Variants in SYT12 observed in about 807,000 individuals in gnomAD.
SYT12 encodes synaptotagmin 12.
Under a neutral mutation model 39.5 loss-of-function variants are expected in SYT12, and 27 were observed. That is an observed-to-expected ratio of 0.68 (90% CI 0.50 to 0.94). The LOEUF is 0.94. Ranked by LOEUF, SYT12 falls within the 40% of genes least tolerant of loss-of-function variation. The pLI is 0.00. For synonymous variants in SYT12, 233 were observed against 239.7 expected (o/e 0.97, Z 0.26); for missense variants, 536 against 572.6 (o/e 0.94, Z 0.65).
intron 4 of SYT12, among the ~76,000 whole-genome samples, chr11:67,041,450 G>A (rs1184993149): frequency 6.6e-6 from 1 of 152,166 alleles, no homozygotes; most frequent in Non-Finnish European, 1.5e-5. Context: ...CAGCCTGGGC[G>A]ACAGAGTGAG....
chr11:67,042,070 G>C (rs1950522644), intron 4 of SYT12, among the ~76,000 whole-genome samples: 1 of 152,200 alleles, frequency 6.6e-6, no homozygotes, highest in Admixed American at 6.5e-5. Flanking sequence ...CTGAGAGGCA[G>C]TATAGTGGGC....
Position 67,039,872 on chromosome 11 carries a change from G to T in SYT12, c.290G>T (p.Ser97Ile), listed in dbSNP as rs374167413. Residue 97 changes from serine to isoleucine, a missense_variant, in exon 4 of 8, where the codon AGT becomes ATT. Coordinates refer to ENST00000527043, the MANE Select transcript of SYT12 (RefSeq NM_177963.4). ...CGGGGACCACCCAGCCGCAAAGGCA[G>T]TCTCAGCATTGAGGACACCTTTGAG... is the stretch of plus-strand genomic sequence containing the variant. ...STRGPPSRKG[S>I]LSIEDTFESI... is the part of the protein sequence containing the mutation. 2.1e-5 allele frequency: 34 copies of T among 1,613,564 alleles called. No homozygotes were observed. Among genetic ancestry groups the T allele is most frequent in the Non-Finnish European group, 2.7e-5 (32 of 1,180,034 alleles).
At chr11:67,023,997 C>T (rs1950147726) in intron 1 of SYT12, among the ~76,000 whole-genome samples, 1 of 152,072 alleles carries the variant, frequency 6.6e-6, no homozygotes, top group African/African-American at 2.4e-5. Flanking sequence ...GGGGGGCTTT[C>T]CAGAGCTTAG....
chr11:67,009,991 A>G (rs1290583456), exon 2 of SYT12: 5 of 152,464 alleles, frequency 3.3e-5, no homozygotes, highest in African/African-American at 1.2e-4. Context: ...AAGGAACTGC[A>G]TCGAGTAAAA....
intron 2 of SYT12, among the ~76,000 whole-genome samples, chr11:67,034,425 A>G (rs2136215989): frequency 6.6e-6 from 1 of 152,388 alleles, no homozygotes; most frequent in Non-Finnish European, 1.5e-5. Context: ...TATAAGTGTA[A>G]TGTAAATATC....
chr11:67,048,962 T>C lies in SYT12; in HGVS notation c.*205T>C. On this transcript the variant is annotated 3_prime_UTR_variant, in exon 8 of 8. Transcript: ENST00000527043. ...TGTCCAGGGCCCCAGGGTCTGCTCC[T>C]GCTGAGGACCAGCTGTGGCTGGGCC... 1 of 570,176 alleles carries C rather than the reference T, an allele frequency of 1.8e-6. No homozygotes were observed. Among genetic ancestry groups the C allele is most frequent in the East Asian group, 2.9e-5 (1 of 34,660 alleles). 35.3% of individuals were successfully genotyped at this position (570,176 alleles called of 1,614,324 possible).
chr11:67,039,934 C>CG lies in SYT12; in HGVS notation c.355dup (p.Glu119GlyfsTer100). 1 of 1,613,718 alleles carries CG rather than the reference C, an allele frequency of 6.2e-7. No homozygotes were observed. The highest frequency in any genetic ancestry group is 8.5e-7 in the Non-Finnish European group (1 of 1,180,034). ...ACTGGGGCCTCTGGAGCTGATGGGCCGGGAGTTGGACCTGGCCCCCTATGG... is the reference window on the plus strand; with the variant it reads ...ACTGGGGCCTCTGGAGCTGATGGGCCGGGGAGTTGGACCTGGCCCCCTATGG... On this transcript the variant is annotated frameshift_variant, in exon 4 of 8. Coordinates refer to ENST00000527043, the MANE Select transcript of SYT12 (RefSeq NM_177963.4). LOFTEE classifies it high-confidence loss of function.
intron 3 of SYT12, among the ~76,000 whole-genome samples, chr11:67,038,453 C>T (rs1261748603): frequency 2.6e-5 from 4 of 151,820 alleles, no homozygotes; most frequent in South Asian, 2.1e-4. Flanking sequence ...CATGAGCCAC[C>T]GTGCCTGGCC....
In SYT12 at chr11:67,043,727, T is replaced by G; in HGVS notation, c.711T>G (p.Phe237Leu). ...CCCTGGAGGAGAAGAGCCTGCGGTT[T>G]TCTGTATTTGGCATCGATGAGGATG... ...PTALEEKSLR[F>L]SVFGIDEDER... The change falls in exon 5 of 8, where the codon TTT becomes TTG. Residue 237 changes from phenylalanine to leucine, a missense_variant. Transcript: ENST00000527043. 1.9e-6 allele frequency: 3 copies of G among 1,614,164 alleles called. No individual in the cohort carries two copies. Among genetic ancestry groups the G allele is most frequent in the Non-Finnish European group, 2.5e-6 (3 of 1,180,046 alleles).
intron 3 of SYT12, among the ~76,000 whole-genome samples, chr11:67,011,922 C>T (rs1156362675): frequency 2.6e-5 from 4 of 151,690 alleles, no homozygotes; most frequent in Non-Finnish European, 2.9e-5. Flanking sequence ...CCCACCACCA[C>T]GTCCGGCTAA....
chr11:67,008,299 T>C (rs1453402016), intron 1 of SYT12, among the ~76,000 whole-genome samples: 1 of 152,198 alleles, frequency 6.6e-6, no homozygotes, highest in East Asian at 1.9e-4. Context: ...AGTTCTTTTA[T>C]TCACTGCTTA....
chr11:67,011,059 A>C (rs2136192872), intron 3 of SYT12: 1 of 152,292 alleles, frequency 6.6e-6, no homozygotes, highest in East Asian at 1.9e-4. Context: ...GTATTTGTGC[A>C]CGGTCAATAT....
At chr11:67,015,471 T>G (rs886438927) in intron 3 of SYT12, among the ~76,000 whole-genome samples, 28 of 148,616 alleles carry the variant, frequency 1.9e-4, no homozygotes, top group African/African-American at 7.0e-4. Context: ...GAGGCGGTGG[T>G]GGGGGGTTGT....
At chr11:67,035,833 CCTTCCTTTCTTTCTTTCTTT>C (rs1355760509) in intron 3 of SYT12, among the ~76,000 whole-genome samples, 78 of 102,472 alleles carry the variant, frequency 7.6e-4, no homozygotes, top group African/African-American at 3.1e-3. Context: ...TTCCTTCCTT[CCTTCCTTTCTTTCTTTCTTT>C]CTTTCTTTCT....
upstream of SYT12, among the ~76,000 whole-genome samples, chr11:67,019,896 CAA>C (rs71461631): frequency 2.3e-4 from 27 of 116,592 alleles, no homozygotes; most frequent in Admixed American, 3.7e-4. Flanking sequence ...GACCCTGTCT[CAA>C]AAAAAAAAAA....
chr11:67,035,795 TTCCTTCCTTCCTTCCTTCCTTC>T lies in SYT12; in HGVS notation c.228+958_228+979del, dbSNP rs1565337208. Among the ~76,000 whole-genome samples the T allele has an allele frequency of 2.8e-3, 120 of 42,736 alleles. 2 individuals carry two copies. The highest frequency in any genetic ancestry group is 0.012 in the African/African-American group (114 of 9,866). The allele number at this position is 42,736 out of a possible 152,430, so 28.0% of individuals were successfully genotyped here. ...TTTTCTTTTCTTTTCTTTTCTTTCC[TTCCTTCCTTCCTTCCTTCCTTC>T]CTTCCTTCCTTCCTTCCTTCCTTTC... On this transcript the variant is annotated intron_variant, in intron 3 of 7. Transcript: ENST00000527043.
intron 3 of SYT12, among the ~76,000 whole-genome samples, chr11:67,035,837 C>CCTTTCTTTCTTTCTTTCTTTCTTT (rs1157424282): frequency 7.2e-5 from 8 of 111,144 alleles, no homozygotes; most frequent in African/African-American, 2.2e-4. Flanking sequence ...TTCCTTCCTT[C>CCTTTCTTTCTTTCTTTCTTTCTTT]CTTTCTTTCT....
chr11:67,018,636 C>T, upstream of SYT12, among the ~76,000 whole-genome samples: 1 of 152,084 alleles, frequency 6.6e-6, no homozygotes, highest in Non-Finnish European at 1.5e-5. Context: ...TCCTGGCTAA[C>T]ATGGTGAAAC....
At chr11:67,030,484 A>T in intron 2 of SYT12, 1 of 365,488 alleles carries the variant, frequency 2.7e-6, no homozygotes, top group Non-Finnish European at 5.0e-6. Flanking sequence ...TGAGCCTGTG[A>T]CTCGGAATCC....
Sources: allele counts gnomAD v4.1 joint callset (sites outside exome capture counted in the v4.1 genomes callset), GRCh38; gene constraint gnomAD v4.1.1; transcripts MANE v1.5; gene names NCBI Gene and HGNC (gene_info 2026-07-23, HGNC 2026-07-21).